SRGAP3: variants seen among roughly 807,000 people sequenced by gnomAD.
SRGAP3 encodes SLIT-ROBO Rho GTPase-activating protein 3.
SRGAP3 carries 39 observed loss-of-function variants against 121.1 expected under a neutral mutation model. The observed-to-expected ratio is 0.32, with a 90% CI of 0.25 to 0.42. The LOEUF is 0.42. Among genes scored for constraint, SRGAP3 ranks in the 10% least tolerant of loss-of-function variants. The pLI is 1.00. For missense variants in SRGAP3, 1,213 were observed against 1,470.6 expected, an observed-to-expected ratio of 0.82 and a Z score of 2.86; for synonymous variants, 601 against 570.0, an observed-to-expected ratio of 1.05 and a Z score of -0.77.
intron 3 of SRGAP3, among the ~76,000 whole-genome samples, chr3:9,287,733 C>T (rs1574973916): frequency 6.6e-6 from 1 of 152,194 alleles, no homozygotes; most frequent in South Asian, 2.1e-4. Context: ...AAGAAACCTG[C>T]ACTTGTACCC....
chr3:9,345,793 A>G (rs1955878881), intron 1 of SRGAP3, among the ~76,000 whole-genome samples: 1 of 151,412 alleles, frequency 6.6e-6, no homozygotes, highest in African/African-American at 2.4e-5. Flanking sequence ...CTCAAAAAAA[A>G]AAAAAAAAAA....
intron 3 of SRGAP3, among the ~76,000 whole-genome samples, chr3:9,303,804 G>T (rs1482586886): frequency 6.6e-6 from 1 of 152,152 alleles, no homozygotes; most frequent in African/African-American, 2.4e-5. Context: ...CCACACAACA[G>T]CCTGTTAAGA....
intron 1 of SRGAP3, among the ~76,000 whole-genome samples, chr3:9,148,953 C>G (rs913166720): frequency 1.3e-5 from 2 of 152,108 alleles, no homozygotes; most frequent in African/African-American, 2.4e-5. Context: ...TGGGGGCTCA[C>G]TCCTGTAATA....
At chr3:9,047,642 C>T (rs1945356816) in intron 9 of SRGAP3, among the ~76,000 whole-genome samples, 167 bp from the exon 10 acceptor site, 1 of 152,254 alleles carries the variant, frequency 6.6e-6, no homozygotes, top group African/African-American at 2.4e-5. Flanking sequence ...CTTTGCTTTC[C>T]TCCATCTAGA....
upstream of SRGAP3, among the ~76,000 whole-genome samples, chr3:9,253,297 C>T (rs1250920594): frequency 1.3e-5 from 2 of 152,128 alleles, no homozygotes; most frequent in African/African-American, 2.4e-5. Flanking sequence ...CAAGTAATAA[C>T]CCATTTTTTC....
chr3:8,994,252 T>C lies in SRGAP3; in HGVS notation c.2408+91A>G, dbSNP rs370136776. The C allele has an allele frequency of 3.1e-5, 47 of 1,536,878 alleles. No homozygotes were observed. In the East Asian group the frequency reaches 3.4e-4, roughly 11 times the overall value. On this transcript the variant is annotated intron_variant, in intron 19 of 21. Transcript: ENST00000383836. ...TATGATATCAAGGAGAGCAAATTGC[T>C]GGCATACAAGCTAGCACTCCCCTAC...
In SRGAP3 at chr3:9,053,183, G is replaced by A. The variant is rs1300450948; in HGVS notation, c.1167C>T (p.Asp389=). The change falls in exon 9 of 22, where the codon GAC becomes GAT. Residue 389 remains aspartate (D), a synonymous_variant. Coordinates refer to ENST00000383836, the MANE Select transcript of SRGAP3 (RefSeq NM_014850.4). ...TLDATMQTLQ[D]MLTVEDFDVS... is the part of the protein sequence containing the mutation. ...CATCAAAGTCCTCCACAGTCAGCAT[G>A]TCCTGTAATGTCTGCATGGTGGCAT... 6.2e-7 allele frequency: 1 copy of A among 1,614,206 alleles called. No homozygotes were observed. Among genetic ancestry groups the A allele is most frequent in the Non-Finnish European group, 8.5e-7 (1 of 1,180,034 alleles).
chr3:9,079,554 C>T lies in SRGAP3; in HGVS notation c.486+471G>A, dbSNP rs575362854. Among the ~76,000 whole-genome samples, 9 of 152,320 alleles carry T rather than the reference C, an allele frequency of 5.9e-5. No homozygotes were observed. In the East Asian group the frequency reaches 1.2e-3, roughly 20 times the overall value. ...AATGCAGGCTCACCCCATGACCTCC[C>T]GTGATCCTCGGAACCGTGCTCCATT... On this transcript the variant is annotated intron_variant, in intron 4 of 21. Transcript: ENST00000383836.
chr3:9,220,959 G>T lies in SRGAP3; in HGVS notation c.67+27926C>A, dbSNP rs559925343. On this transcript the variant is annotated intron_variant, in intron 1 of 21. Coordinates refer to ENST00000383836, the MANE Select transcript of SRGAP3 (RefSeq NM_014850.4). Reference sequence around the variant, plus strand: ...GCAGACCCCACCTCCCATCCTCTCAGGTCCCACCTCTGTCCCACCCCGCTG... The same window carrying T: ...GCAGACCCCACCTCCCATCCTCTCATGTCCCACCTCTGTCCCACCCCGCTG... Among the ~76,000 whole-genome samples, 74 of 152,246 alleles carry T rather than the reference G, an allele frequency of 4.9e-4. 2 individuals are homozygous for T. The South Asian group carries it at 0.015, about 30-fold the overall frequency.
chr3:9,075,351 CAAACTGCACATGCATGTA>C (rs1946914303), intron 4 of SRGAP3, among the ~76,000 whole-genome samples: 1 of 151,518 alleles, frequency 6.6e-6, no homozygotes, highest in South Asian at 2.1e-4. Context: ...TGGTGCATGT[CAAACTGCACATGCATGTA>C]TGCAAGTGTG....
At position 9,233,609 on chromosome 3, in the gene SRGAP3, C is replaced by T. The variant is rs74706241; in HGVS notation, c.67+15276G>A. On this transcript the variant is annotated intron_variant, in intron 1 of 21. Coordinates refer to ENST00000383836, the MANE Select transcript of SRGAP3 (RefSeq NM_014850.4). ...TATTTTGATGACTTCTGACCCTTCT[C>T]TAAATGGAAAGATGGTTCTGTCTAG... Among the ~76,000 whole-genome samples the T allele has an allele frequency of 1.9e-3, 289 of 152,302 alleles. 2 individuals are homozygous for T. Among genetic ancestry groups the T allele is most frequent in the Non-Finnish European group, 3.3e-3 (226 of 68,028 alleles).
intron 3 of SRGAP3, among the ~76,000 whole-genome samples, chr3:9,083,001 C>T (rs1947311347): frequency 6.6e-6 from 1 of 152,224 alleles, no homozygotes; most frequent in Non-Finnish European, 1.5e-5. Flanking sequence ...GGAGAACCTT[C>T]TGTGCAGAGC....
intron 5 of SRGAP3, among the ~76,000 whole-genome samples, chr3:9,061,962 T>C (rs1946194850): frequency 6.6e-6 from 1 of 152,258 alleles, no homozygotes; most frequent in South Asian, 2.1e-4. Context: ...TTTTCTCCTT[T>C]GCCTAGACAT....
chr3:9,031,547 T>C (rs893691136), intron 12 of SRGAP3, among the ~76,000 whole-genome samples: 2 of 152,008 alleles, frequency 1.3e-5, no homozygotes, highest in African/African-American at 4.8e-5. Context: ...TTCCCCACTC[T>C]CCCTTCCCCA....
At chr3:9,327,099 T>C (rs559536831) in intron 2 of SRGAP3, among the ~76,000 whole-genome samples, 1 of 152,024 alleles carries the variant, frequency 6.6e-6, no homozygotes, top group African/African-American at 2.4e-5. Flanking sequence ...TAGTGTATTT[T>C]TAATGTTAAA....
At chr3:9,257,790 T>C (rs1452421160) in intron 3 of SRGAP3, among the ~76,000 whole-genome samples, 1 of 133,860 alleles carries the variant, frequency 7.5e-6, no homozygotes, top group African/African-American at 2.7e-5. Flanking sequence ...CTGCAACCTC[T>C]GCCTCCTAGG....
At chr3:9,213,366 C>T (rs1408004921) in intron 1 of SRGAP3, among the ~76,000 whole-genome samples, 1 of 152,048 alleles carries the variant, frequency 6.6e-6, no homozygotes, top group African/African-American at 2.4e-5. Context: ...TGCCCACTTC[C>T]TCAACTCCCT....
chr3:9,071,293 T>TC (rs915309589), intron 4 of SRGAP3, among the ~76,000 whole-genome samples: 8 of 151,966 alleles, frequency 5.3e-5, no homozygotes, highest in African/African-American at 1.7e-4. Flanking sequence ...TTTGAGGAAA[T>TC]CCCCCAAATT....
chr3:9,230,853 T>A, intron 1 of SRGAP3, among the ~76,000 whole-genome samples: 2 of 133,452 alleles, frequency 1.5e-5, no homozygotes, highest in African/African-American at 2.8e-5. Context: ...TAAGACCCTA[T>A]CTCAAAAAAA....
Sources: allele counts gnomAD v4.1 joint callset (sites outside exome capture counted in the v4.1 genomes callset), GRCh38; gene constraint gnomAD v4.1.1; transcripts MANE v1.5; gene names NCBI Gene and HGNC (gene_info 2026-07-23, HGNC 2026-07-21).